Variants in SMG5 observed in about 807,000 individuals in gnomAD.
SMG5 encodes SMG5 nonsense mediated mRNA decay factor, also known as nonsense-mediated mRNA decay factor SMG5.
In SMG5, 53 loss-of-function variants were observed where a neutral mutation model predicts 122.9. The observed-to-expected ratio is 0.43, with a 90% confidence interval of 0.35 to 0.54. The LOEUF (loss-of-function observed/expected upper bound fraction) is 0.54, where lower values mean the gene tolerates loss of function less well. SMG5 is among the 20% of genes least tolerant of loss of function. The pLI, the probability that SMG5 is intolerant of heterozygous loss-of-function variation, is 0.01. For missense variants in SMG5, 1,153 were observed against 1,285.6 expected, an observed-to-expected ratio of 0.90 and a Z score of 1.58; for synonymous variants, 477 against 490.2, an observed-to-expected ratio of 0.97 and a Z score of 0.35.
At chr1:156,278,847 C>T in intron 2 of SMG5, 89 bp downstream of exon 2, 2 of 1,090,122 alleles carry the variant, frequency 1.8e-6, no homozygotes, top group South Asian at 2.6e-5. Context: ...GGAGGTAAAA[C>T]AGAGTGCGTG....
intron 1 of SMG5, among the ~76,000 whole-genome samples, chr1:156,280,940 G>C (rs1662909439): frequency 6.6e-6 from 1 of 152,116 alleles, no homozygotes; most frequent in African/African-American, 2.4e-5. Context: ...GTGCTTCCAG[G>C]CTCCTTTCTC....
intron 16 of SMG5, among the ~76,000 whole-genome samples, chr1:156,255,643 T>C (rs1231923011): frequency 2.0e-5 from 3 of 152,062 alleles, no homozygotes; most frequent in African/African-American, 7.2e-5. Flanking sequence ...CCCAGCAATA[T>C]GGGAGGCCGA....
Position 156,272,368 on chromosome 1 carries a change from G to C in SMG5, c.665C>G (p.Ala222Gly), listed in dbSNP as rs770659706. ...GMPFNQLGTL[A>G]GSKYYNVEAM... Reference sequence around the variant, plus strand: ...TTCCACATTATAGTACTTGCTGCCTGCCAGGGTGCCCAGCTGATTGAAGGG... The same window carrying C: ...TTCCACATTATAGTACTTGCTGCCTCCCAGGGTGCCCAGCTGATTGAAGGG... The change falls in exon 7 of 22, where the codon GCA (alanine) becomes GGA (glycine). Residue 222 changes from alanine to glycine, a missense_variant. Coordinates refer to ENST00000361813, the MANE Select transcript of SMG5 (RefSeq NM_015327.3). The C allele has an allele frequency of 6.2e-7, 1 of 1,600,224 alleles. No homozygotes were observed. Among genetic ancestry groups the C allele is most frequent in the South Asian group, 1.1e-5 (1 of 89,004 alleles).
In SMG5 at chr1:156,273,351, G is replaced by A. The variant is rs1308241339; in HGVS notation, c.634+10C>T. 9 of 1,611,690 alleles carry A rather than the reference G, an allele frequency of 5.6e-6. No individual in the cohort carries two copies. Among genetic ancestry groups the A allele is most frequent in the Non-Finnish European group, 7.6e-6 (9 of 1,178,740 alleles). ...ACTGGATTCAGAGGCCCAAGTTGGG[G>A]ACAACTTACCAATCTGAGGAGCTAC... On this transcript the variant is annotated intron_variant, in intron 6 of 21. Transcript: ENST00000361813.
intron 19 of SMG5, among the ~76,000 whole-genome samples, chr1:156,251,797 G>A (rs1342365303): frequency 2.6e-5 from 4 of 152,326 alleles, no homozygotes; most frequent in African/African-American, 9.6e-5. Context: ...TGGCCAGCCA[G>A]AGCAGATGCA....
intron 1 of SMG5, among the ~76,000 whole-genome samples, chr1:156,279,774 C>T (rs1304064839): frequency 6.6e-6 from 1 of 152,088 alleles, no homozygotes; most frequent in Admixed American, 6.6e-5. Context: ...GTAGAGGGAG[C>T]TCCTGGGCTG....
At chr1:156,267,153 C>G (rs1662187970) in intron 10 of SMG5, among the ~76,000 whole-genome samples, 1 of 152,228 alleles carries the variant, frequency 6.6e-6, no homozygotes, top group Non-Finnish European at 1.5e-5. Context: ...ATGCCTCCAA[C>G]AGAAGGTCTG....
chr1:156,249,307 G>C lies in SMG5; in HGVS notation c.*1280C>G, dbSNP rs1455309316. The C allele has an allele frequency of 5.0e-6, 1 of 200,958 alleles. No individual in the cohort carries two copies. Among genetic ancestry groups the C allele is most frequent in the Non-Finnish European group, 1.0e-5 (1 of 97,000 alleles). 12.4% of individuals were successfully genotyped at this position (200,958 alleles called of 1,614,324 possible). On this transcript the variant is annotated 3_prime_UTR_variant, in exon 22 of 22. Coordinates refer to ENST00000361813, the MANE Select transcript of SMG5 (RefSeq NM_015327.3). ...AGTGGGGTGACTCCACTCACCCCAG[G>C]ATTTCCCAGACTTGCTATTTTAGAG...
At position 156,282,329 on chromosome 1, in the gene SMG5, T is replaced by C. The variant is rs556565314; in HGVS notation, c.74+278A>G. Reference sequence around the variant, plus strand: ...CCCTTCCAGCCTTCAATTCCCACCCTATTACCCCAACTCCACCAAGCTTAG... The same window carrying C: ...CCCTTCCAGCCTTCAATTCCCACCCCATTACCCCAACTCCACCAAGCTTAG... On this transcript the variant is annotated intron_variant, in intron 1 of 21. Coordinates refer to ENST00000361813, the MANE Select transcript of SMG5 (RefSeq NM_015327.3). Among the ~76,000 whole-genome samples the C allele has an allele frequency of 3.3e-5, 5 of 152,058 alleles. No homozygotes were observed. In the South Asian group the frequency reaches 1.0e-3, roughly 32 times the overall value.
At chr1:156,265,072 C>CAA (rs1553293437) in intron 12 of SMG5, among the ~76,000 whole-genome samples, 1 of 147,734 alleles carries the variant, frequency 6.8e-6, no homozygotes, top group Admixed American at 6.7e-5. Flanking sequence ...CACACACACA[C>CAA]AAAAGCCGGG....
chr1:156,252,682 G>T, intron 18 of SMG5, 178 bp from the exon 19 acceptor site: 1 of 750,880 alleles, frequency 1.3e-6, no homozygotes. Context: ...AATATACTTG[G>T]CAATTTACCA....
chr1:156,266,340 C>A lies in SMG5; in HGVS notation c.1296G>T (p.Glu432Asp). 1 of 1,614,030 alleles carries A rather than the reference C, an allele frequency of 6.2e-7. No individual in the cohort carries two copies. Among genetic ancestry groups the A allele is most frequent in the Non-Finnish European group, 8.5e-7 (1 of 1,179,926 alleles). The change falls in exon 12 of 22, where the codon GAG becomes GAT. Residue 432 changes from glutamate to aspartate, a missense_variant. Glu to Asp is a conservative substitution (Grantham distance 45). Coordinates refer to ENST00000361813, the MANE Select transcript of SMG5 (RefSeq NM_015327.3). Reference sequence around the variant, plus strand: ...TTACAGGAGGAGGCTCAGGATCTGGCTCCTCCTCTTTCTCCACAGGTTCCT... The same window carrying A: ...TTACAGGAGGAGGCTCAGGATCTGGATCCTCCTCTTTCTCCACAGGTTCCT... ...ESKEPVEKEE[E>D]PDPEPPPVTP...
upstream of SMG5, chr1:156,286,071 TCA>T (rs1241645593): frequency 2.4e-5 from 37 of 1,524,158 alleles, no homozygotes; most frequent in Non-Finnish European, 3.2e-5. Flanking sequence ...GGATTTCCCT[TCA>T]CTTGACCTGG....
intron 5 of SMG5, among the ~76,000 whole-genome samples, 196 bp from the exon 6 acceptor site, chr1:156,273,646 T>C (rs1170388712): frequency 6.6e-6 from 1 of 152,104 alleles, no homozygotes; most frequent in East Asian, 1.9e-4. Context: ...ACTCTCTTCC[T>C]TGCTGGTAGG....
chr1:156,272,313 T>C lies in SMG5; in HGVS notation c.713+7A>G. 6.3e-7 allele frequency: 1 copy of C among 1,588,084 alleles called. No homozygotes were observed. On this transcript the variant is annotated splice_region_variant and intron_variant, in intron 7 of 21. Coordinates refer to ENST00000361813, the MANE Select transcript of SMG5 (RefSeq NM_015327.3). ...CAGGGCTGGAAAAAGAGCTGGCAAA[T>C]ACTCACCAGCGCAGGTAGCAATACA...
At chr1:156,274,545 T>C in intron 5 of SMG5, 52 bp downstream of exon 5, 2 of 1,538,438 alleles carry the variant, frequency 1.3e-6, no homozygotes, top group Non-Finnish European at 1.8e-6. Flanking sequence ...TGAAGCAGCC[T>C]GGGCTCGTCC....
intron 7 of SMG5, 138 bp from the exon 8 acceptor site, chr1:156,268,553 G>C (rs1242198949): frequency 9.2e-7 from 1 of 1,087,068 alleles, no homozygotes. Context: ...CAGGGTAAAA[G>C]GCTCATGAGC....
chr1:156,268,134 G>A lies in SMG5; in HGVS notation c.889C>T (p.Leu297Phe), dbSNP rs1267815227. Residue 297 changes from leucine to phenylalanine, a missense_variant, in exon 9 of 22, where the codon CTC (leucine) becomes TTC (phenylalanine). This residue lies in a region of SMG5 where 631 missense variants were observed against 650.6 expected (regional missense o/e 0.97). Transcript: ENST00000361813. Reference protein sequence around the residue: ...LLVNFMYLQSLLQPKSSSVDS... With the variant: ...LLVNFMYLQSFLQPKSSSVDS... ...ACTCACCTGCTTTTGGGCTGTAGGA[G>A]GCTTTGCAGATACATAAAGTTCACT... 1 of 1,614,144 alleles carries A rather than the reference G, an allele frequency of 6.2e-7. No homozygotes were observed. Among genetic ancestry groups the A allele is most frequent in the Admixed American group, 1.7e-5 (1 of 60,022 alleles).
At chr1:156,285,269 T>A, upstream of SMG5, 1 of 1,562,696 alleles carries the variant, frequency 6.4e-7, no homozygotes, top group Non-Finnish European at 8.6e-7. Flanking sequence ...AGTGAAGAGG[T>A]CTGATTCCCC....
Sources: gnomAD v4.1 joint callset for allele counts (sites outside exome capture counted in the v4.1 genomes callset) on GRCh38, gnomAD v4.1.1 for gene constraint, gnomAD v4.1.1 regional missense constraint, MANE v1.5 for transcripts, NCBI Gene and HGNC (gene_info 2026-07-23, HGNC 2026-07-21) for gene names.